CYRIB: variants seen among roughly 807,000 people sequenced by gnomAD.
The protein encoded by CYRIB is CYFIP related Rac1 interactor B.
Under a neutral mutation model 44.2 loss-of-function variants are expected in CYRIB, and 8 were observed. The observed-to-expected ratio is 0.18, with a 90% confidence interval of 0.11 to 0.33. The LOEUF (loss-of-function observed/expected upper bound fraction) is 0.33, where lower values mean the gene tolerates loss of function less well. CYRIB is among the 10% of genes least tolerant of loss of function. The probability of loss-of-function intolerance (pLI) is 1.00; values close to 1 mark genes in which losing one functional copy is unlikely to be tolerated. For synonymous variants in CYRIB, 131 were observed against 127.2 expected (o/e 1.03, Z -0.20); for missense variants, 185 against 382.8 (o/e 0.48, Z 4.31).
intron 5 of CYRIB, among the ~76,000 whole-genome samples, chr8:129,856,111 T>A: frequency 6.6e-6 from 1 of 152,246 alleles, no homozygotes; most frequent in East Asian, 1.9e-4. Flanking sequence ...TGGTAACTAT[T>A]ATCTACAGCT....
chr8:129,995,732 C>T (rs1444294610), intron 1 of CYRIB, among the ~76,000 whole-genome samples: 7 of 152,238 alleles, frequency 4.6e-5, no homozygotes, highest in Admixed American at 4.6e-4. Flanking sequence ...TAAACACACA[C>T]ACATACACAC....
chr8:129,882,895 T>C (rs189295345), intron 2 of CYRIB, among the ~76,000 whole-genome samples: 44 of 151,932 alleles, frequency 2.9e-4, no homozygotes, highest in Non-Finnish European at 2.9e-5. Context: ...CACAAACACT[T>C]AGTTTGAAAA....
intron 1 of CYRIB, among the ~76,000 whole-genome samples, chr8:129,924,089 G>A (rs1214870530): frequency 8.4e-6 from 1 of 119,476 alleles, no homozygotes; most frequent in African/African-American, 3.1e-5. Context: ...TGGGCAATCA[G>A]TGAGATTCTA....
chr8:130,007,645 G>C (rs188205828), intron 1 of CYRIB, among the ~76,000 whole-genome samples: 3 of 152,116 alleles, frequency 2.0e-5, no homozygotes, highest in African/African-American at 7.2e-5. Context: ...TTAGCTGGGC[G>C]TGGTGGCACA....
At chr8:129,900,414 C>G (rs1166663198) in intron 2 of CYRIB, among the ~76,000 whole-genome samples, 3 of 152,148 alleles carry the variant, frequency 2.0e-5, no homozygotes, top group Non-Finnish European at 4.4e-5. Flanking sequence ...ACCTGACATT[C>G]AATTTGTAGT....
chr8:130,006,821 G>T (rs1364180571), intron 1 of CYRIB, among the ~76,000 whole-genome samples: 1 of 150,078 alleles, frequency 6.7e-6, no homozygotes, highest in South Asian at 2.1e-4. Flanking sequence ...TGGGTGGGGG[G>T]ACTTGAAAGC....
At chr8:129,854,439 T>TG in intron 6 of CYRIB, 96 bp from the exon 9 acceptor site, 1 of 801,222 alleles carries the variant, frequency 1.2e-6, no homozygotes, top group Non-Finnish European at 2.0e-6. Context: ...GTATAAAACA[T>TG]TCCATAATTC....
chr8:129,994,679 G>A (rs1453086329), intron 1 of CYRIB, among the ~76,000 whole-genome samples: 1 of 152,240 alleles, frequency 6.6e-6, no homozygotes, highest in Non-Finnish European at 1.5e-5. Context: ...GTACACACCA[G>A]TCAGGGCTAT....
intron 1 of CYRIB, among the ~76,000 whole-genome samples, chr8:129,971,638 G>C (rs2095696070): frequency 6.6e-6 from 1 of 152,184 alleles, no homozygotes; most frequent in Non-Finnish European, 1.5e-5. Context: ...TATCCATGGA[G>C]ATTCAGTATA....
At chr8:129,937,411 C>T (rs2093010040) in intron 1 of CYRIB, among the ~76,000 whole-genome samples, 1 of 152,120 alleles carries the variant, frequency 6.6e-6, no homozygotes, top group Non-Finnish European at 1.5e-5. Flanking sequence ...AAAATAAGCA[C>T]CCCTCTATAC....
intron 2 of CYRIB, 73 bp downstream of exon 4, chr8:129,903,234 TAGTTA>T (rs1292287943): frequency 1.3e-5 from 2 of 152,608 alleles, no homozygotes; most frequent in African/African-American, 4.8e-5. Flanking sequence ...AAATTATATA[TAGTTA>T]ATATAAGTTT....
intron 2 of CYRIB, among the ~76,000 whole-genome samples, chr8:129,949,679 C>G (rs552067735): frequency 6.6e-6 from 1 of 151,502 alleles, no homozygotes; most frequent in Admixed American, 6.6e-5. Context: ...ACCAGCCTGA[C>G]CAACACATAG....
At chr8:129,991,934 G>GAGTAAGACCCTGCCT (rs1383374138) in intron 1 of CYRIB, among the ~76,000 whole-genome samples, 1 of 98,168 alleles carries the variant, frequency 1.0e-5, no homozygotes, top group East Asian at 3.2e-4. Flanking sequence ...CTGGGCAACA[G>GAGTAAGACCCTGCCT]CAGAGTCGCA....
intron 1 of CYRIB, among the ~76,000 whole-genome samples, chr8:130,001,229 A>T (rs2133894116): frequency 6.6e-6 from 1 of 152,148 alleles, no homozygotes; most frequent in South Asian, 2.1e-4. Flanking sequence ...CCTGCCTCCC[A>T]CCACAGAGCA....
In CYRIB at chr8:129,965,248, C is replaced by CTGTGTGTGTGTGTG. The variant is rs3077879; in HGVS notation, c.-243+5681_-243+5694dup. Among the ~76,000 whole-genome samples, 152 of 148,788 alleles carry CTGTGTGTGTGTGTG rather than the reference C, an allele frequency of 1.0e-3. 1 individual carries two copies. Among genetic ancestry groups the CTGTGTGTGTGTGTG allele is most frequent in the African/African-American group, 3.4e-3 (136 of 40,410 alleles). On this transcript the variant is annotated intron_variant, in intron 2 of 14. Coordinates refer to the CYRIB transcript ENST00000401979. ...GAGATATACAGAATTCCCCCAGACA[C>CTGTGTGTGTGTGTG]TGTGTGTGTGTGTGTGTGTGTGTGT...
At chr8:129,944,083 C>A, upstream of CYRIB, among the ~76,000 whole-genome samples, 1 of 151,954 alleles carries the variant, frequency 6.6e-6, no homozygotes, top group Non-Finnish European at 1.5e-5. Flanking sequence ...TTTGAACTTG[C>A]CTTCTGAAGG....
intron 1 of CYRIB, among the ~76,000 whole-genome samples, chr8:129,905,198 G>C (rs1241207995): frequency 1.4e-5 from 2 of 138,914 alleles, no homozygotes; most frequent in African/African-American, 5.0e-5. Flanking sequence ...TGTCACCCAG[G>C]CTGGATTGAT....
At chr8:129,996,772 G>T (rs1463714874) in intron 1 of CYRIB, among the ~76,000 whole-genome samples, 1 of 151,868 alleles carries the variant, frequency 6.6e-6, no homozygotes, top group Non-Finnish European at 1.5e-5. Context: ...CCAACTTACT[G>T]TTTGGGATCT....
intron 9 of CYRIB, 97 bp downstream of exon 11, chr8:129,850,738 A>G: frequency 1.2e-6 from 1 of 848,850 alleles, no homozygotes; most frequent in Non-Finnish European, 1.9e-6. Flanking sequence ...TCCACCTTCC[A>G]GATAAAACAT....
Sources: gnomAD v4.1 joint callset for allele counts (sites outside exome capture counted in the v4.1 genomes callset) on GRCh38, gnomAD v4.1.1 for gene constraint, MANE v1.5 for transcripts, NCBI Gene and HGNC (gene_info 2026-07-23, HGNC 2026-07-21) for gene names.